Variants in ERP27 observed in about 807,000 individuals in gnomAD.
ERP27 encodes endoplasmic reticulum resident protein 27.
In ERP27, 23 loss-of-function variants were observed where a neutral mutation model predicts 27.7. The ratio of observed to expected loss-of-function variants is 0.83; its 90% CI spans 0.60 to 1.18. The LOEUF is 1.18. ERP27 is among the 50% of genes most tolerant of loss of function. The probability of loss-of-function intolerance (pLI) is 0.00; values close to 1 mark genes in which losing one functional copy is unlikely to be tolerated. For synonymous variants in ERP27, 159 were observed against 118.3 expected (o/e 1.34, Z -2.23); for missense variants, 363 against 327.9 (o/e 1.11, Z -0.83).
At chr12:14,932,981 G>A (rs765978187) in intron 3 of ERP27, among the ~76,000 whole-genome samples, 2 of 152,228 alleles carry the variant, frequency 1.3e-5, no homozygotes, top group Non-Finnish European at 2.9e-5. Flanking sequence ...TGAATCATGA[G>A]AGAAGTCCAG....
rs1863377329 is a variant in ERP27 at position 14,914,581 on chromosome 12, T to TGC, written c.*153_*154insGC. Reference sequence around the variant, plus strand: ...CTCTGTGTGTGTGTGTGTGTGTGCGTGTGTGTGTGCACGCGTGCGTGCGTG... The same window carrying TGC: ...CTCTGTGTGTGTGTGTGTGTGTGCGTGCGTGTGTGTGCACGCGTGCGTGCGTG... On this transcript the variant is annotated 3_prime_UTR_variant, in exon 7 of 7. Coordinates refer to ENST00000266397, the MANE Select transcript of ERP27 (RefSeq NM_152321.4). 3.8e-6 allele frequency: 2 copies of TGC among 524,832 alleles called. No homozygotes were observed. Among genetic ancestry groups the TGC allele is most frequent in the Non-Finnish European group, 6.8e-6 (2 of 295,978 alleles). 32.5% of individuals were successfully genotyped at this position (524,832 alleles called of 1,614,324 possible).
intron 2 of ERP27, among the ~76,000 whole-genome samples, chr12:14,937,568 G>A (rs1676960301): frequency 6.6e-6 from 1 of 152,170 alleles, no homozygotes; most frequent in South Asian, 2.1e-4. Flanking sequence ...GTTGCTGGAT[G>A]ATATAAATTG....
Position 14,920,926 on chromosome 12 carries a change from G to C in ERP27, c.450+6C>G. 2 of 1,610,836 alleles carry C rather than the reference G, an allele frequency of 1.2e-6. No homozygotes were observed. The highest frequency in any genetic ancestry group is 4.5e-5 in the East Asian group (2 of 44,866). On this transcript the variant is annotated splice_donor_region_variant and intron_variant, in intron 4 of 6. Coordinates refer to ENST00000266397, the MANE Select transcript of ERP27 (RefSeq NM_152321.4). ...GAAGGGACTAAGAACAGGAAGTATT[G>C]TTTACCACAGGGTTGTACTCTGTCA...
intron 3 of ERP27, among the ~76,000 whole-genome samples, chr12:14,927,376 C>G (rs1454583412): frequency 6.6e-6 from 1 of 151,724 alleles, no homozygotes; most frequent in African/African-American, 2.4e-5. Flanking sequence ...TAAAATCACT[C>G]TAATTCAATT....
At chr12:14,923,148 C>T (rs994962514) in intron 3 of ERP27, among the ~76,000 whole-genome samples, 1 of 151,502 alleles carries the variant, frequency 6.6e-6, no homozygotes, top group Non-Finnish European at 1.5e-5. Flanking sequence ...TTAAAGTCTC[C>T]TTCTTTCTGA....
intron 3 of ERP27, among the ~76,000 whole-genome samples, chr12:14,925,713 G>C (rs1863589784): frequency 6.6e-6 from 1 of 151,968 alleles, no homozygotes. Context: ...CAGGTCACTT[G>C]GTGAATTTTA....
intron 4 of ERP27, among the ~76,000 whole-genome samples, chr12:14,919,107 C>T (rs1274844794): frequency 6.6e-6 from 1 of 152,148 alleles, no homozygotes; most frequent in Admixed American, 6.5e-5. Flanking sequence ...CTGGGATTTT[C>T]TGCCCAGTTG....
intron 1 of ERP27, 47 bp downstream of exon 1, chr12:14,938,368 T>A: frequency 1.3e-6 from 2 of 1,579,078 alleles, no homozygotes; most frequent in South Asian, 2.2e-5. Flanking sequence ...TTCCTTCTCC[T>A]AATAACACTT....
At position 14,938,432 on chromosome 12, in the gene ERP27, T is replaced by C; in HGVS notation, c.77A>G (p.Glu26Gly). The C allele has an allele frequency of 6.2e-7, 1 of 1,614,098 alleles. No individual in the cohort carries two copies. ...TCELAAEVAA[E>G]VEKSSDGPGA... ...TCTTTTACCTGAGGATTTCTCAACT[T>C]CTGCAGCAACTTCTGCAGCCAGCTC... The change falls in exon 1 of 7, where the codon GAA becomes GGA. Residue 26 changes from glutamate (E) to glycine (G), a missense_variant. Glu to Gly is a moderately conservative substitution (Grantham distance 98, BLOSUM62 -2). Coordinates refer to ENST00000266397, the MANE Select transcript of ERP27 (RefSeq NM_152321.4).
rs1592276737 is a variant in ERP27 at position 14,927,647 on chromosome 12, A to C, written c.334-6599T>G. Among the ~76,000 whole-genome samples the C allele has an allele frequency of 3.9e-5, 6 of 152,226 alleles. No homozygotes were observed. The South Asian group carries it at 1.2e-3, about 32-fold the overall frequency. ...GACCAAAGCCGTCTAGACAAAAAGC[A>C]GTCCTCAATGCAGGGTTCATCTTTT... is the stretch of plus-strand genomic sequence containing the variant. On this transcript the variant is annotated intron_variant, in intron 3 of 6. Coordinates refer to ENST00000266397, the MANE Select transcript of ERP27 (RefSeq NM_152321.4).
chr12:14,914,577 T>C lies in ERP27; in HGVS notation c.*158A>G, dbSNP rs10846081. 45,940 of 540,308 alleles carry C rather than the reference T, an allele frequency of 0.085. 2,652 individuals carry two copies. The highest frequency in any genetic ancestry group is 0.11 in the Non-Finnish European group (34,127 of 306,198). 33.5% of individuals were successfully genotyped at this position (540,308 alleles called of 1,614,324 possible). On this transcript the variant is annotated 3_prime_UTR_variant, in exon 7 of 7. Transcript: ENST00000266397. The stretch of plus-strand genomic sequence containing the variant: ...GAAGCTCTGTGTGTGTGTGTGTGTG[T>C]GCGTGTGTGTGTGCACGCGTGCGTG...
At chr12:14,922,482 T>TC (rs1555098743) in intron 3 of ERP27, among the ~76,000 whole-genome samples, 1 of 152,102 alleles carries the variant, frequency 6.6e-6, no homozygotes, top group African/African-American at 2.4e-5. Flanking sequence ...GTCTATCTTT[T>TC]TCTCTGATTT....
chr12:14,925,463 T>G (rs1863585862), intron 3 of ERP27, among the ~76,000 whole-genome samples: 1 of 152,182 alleles, frequency 6.6e-6, no homozygotes, highest in African/African-American at 2.4e-5. Context: ...AATGCACTCA[T>G]AAATTTGATA....
rs1592271739 is a variant in ERP27, at chr12:14,915,672, C to T, written c.591G>A (p.Leu197=). The change falls in exon 6 of 7, where the codon CTG becomes CTA. Residue 197 remains leucine (L), a synonymous_variant. Transcript: ENST00000266397. Reference sequence around the variant, plus strand: ...CATTTTCTTTCATACCACTGTCCACCAGAATAAAGAGAATCTGCAGTTGGG... The same window carrying T: ...CATTTTCTTTCATACCACTGTCCACTAGAATAAAGAGAATCTGCAGTTGGG... ...KLFQGKILFI[L]VDSGMKENGK... is the part of the protein sequence containing the mutation. The T allele has an allele frequency of 6.2e-7, 1 of 1,613,530 alleles. No individual in the cohort carries two copies. Among genetic ancestry groups the T allele is most frequent in the Non-Finnish European group, 8.5e-7 (1 of 1,179,572 alleles).
At chr12:14,938,364 C>T (rs376124451) in intron 1 of ERP27, 51 bp downstream of exon 1, 5 of 1,566,976 alleles carry the variant, frequency 3.2e-6, no homozygotes, top group Non-Finnish European at 4.4e-6. Flanking sequence ...CCCTTTCCTT[C>T]TCCTAATAAC....
intron 5 of ERP27, among the ~76,000 whole-genome samples, chr12:14,916,193 A>T (rs1335683453): frequency 6.6e-6 from 1 of 152,126 alleles, no homozygotes; most frequent in Non-Finnish European, 1.5e-5. Flanking sequence ...TGAATTTCCT[A>T]TTATTTTGTG....
At chr12:14,928,151 C>T (rs1454009473) in intron 3 of ERP27, among the ~76,000 whole-genome samples, 3 of 152,306 alleles carry the variant, frequency 2.0e-5, no homozygotes, top group African/African-American at 7.2e-5. Flanking sequence ...CCTTTCCCCT[C>T]CATGTGCTAT....
chr12:14,932,573 A>G (rs1863712591), intron 3 of ERP27, among the ~76,000 whole-genome samples: 1 of 152,230 alleles, frequency 6.6e-6, no homozygotes, highest in Admixed American at 6.5e-5. Flanking sequence ...GCCTATTTGT[A>G]ACATTAAATA....
chr12:14,929,076 T>C (rs1863657634), intron 3 of ERP27: 2 of 1,526,732 alleles, frequency 1.3e-6, no homozygotes, highest in Admixed American at 2.0e-5. Flanking sequence ...TGACTATTTT[T>C]CTAGGAATTC....
Sources: allele counts gnomAD v4.1 joint callset (sites outside exome capture counted in the v4.1 genomes callset), GRCh38; gene constraint gnomAD v4.1.1; transcripts MANE v1.5; gene names NCBI Gene and HGNC (gene_info 2026-07-23, HGNC 2026-07-21).